Variants in TTLL2 observed in about 807,000 individuals in gnomAD.
TTLL2 encodes the protein probable tubulin polyglutamylase TTLL2.
In TTLL2, 10 loss-of-function variants were observed where a neutral mutation model predicts 7.5. The ratio of observed to expected loss-of-function variants is 1.33; its 90% CI spans 0.82 to 2.25. The LOEUF is 2.25. Ranked by LOEUF, TTLL2 falls within the 30% of genes most tolerant of loss-of-function variation. The pLI, the probability that TTLL2 is intolerant of heterozygous loss-of-function variation, is 0.00. For synonymous variants in TTLL2, 284 were observed against 280.3 expected, an observed-to-expected ratio of 1.01 and a Z score of -0.13; for missense variants, 733 against 735.7, an observed-to-expected ratio of 1.00 and a Z score of 0.04.
intron 1 of TTLL2, among the ~76,000 whole-genome samples, 192 bp from the exon 2 acceptor site, chr6:167,338,455 T>TCACACA (rs3841397): frequency 5.3e-4 from 80 of 150,318 alleles, no homozygotes; most frequent in Admixed American, 4.2e-3. Context: ...CACAACATAG[T>TCACACA]CACACACACA....
intron 1 of TTLL2, among the ~76,000 whole-genome samples, chr6:167,329,555 C>T (rs1462887252): frequency 2.6e-5 from 4 of 152,094 alleles, no homozygotes; most frequent in Admixed American, 6.5e-5. Flanking sequence ...CATAATTTCA[C>T]GTTATATTTT....
chr6:167,325,178 G>C lies in TTLL2; in HGVS notation c.5G>C (p.Arg2Thr), dbSNP rs750841594. 6.3e-7 allele frequency: 1 copy of C among 1,579,280 alleles called. No individual in the cohort carries two copies. ...CACCCTCGGAACCAGCGCCCAATGA[G>C]AGGGCGGGACCTGTGTTCCTCCACA... M[R>T]GRDLCSSTQS... The change falls in exon 1 of 3, where the codon AGA (arginine) becomes ACA (threonine). Residue 2 changes from arginine (R) to threonine (T), a missense_variant. Arg to Thr is a moderately conservative substitution (Grantham distance 71). Transcript: ENST00000239587.
chr6:167,331,583 C>T lies in TTLL2; in HGVS notation c.47+6363C>T, dbSNP rs1472894469. On this transcript the variant is annotated intron_variant, in intron 1 of 2. Transcript: ENST00000239587. The stretch of plus-strand genomic sequence containing the variant: ...GTTCCATCCATGATGGCATGAATGA[C>T]AGGATTTCATTCTGTTTTGTGGCTG... Among the ~76,000 whole-genome samples the T allele has an allele frequency of 5.9e-5, 9 of 152,244 alleles. No individual in the cohort carries two copies. In the East Asian group the frequency reaches 1.7e-3, roughly 29 times the overall value.
chr6:167,337,377 G>C (rs1261003271), intron 1 of TTLL2, among the ~76,000 whole-genome samples: 1 of 152,178 alleles, frequency 6.6e-6, no homozygotes, highest in African/African-American at 2.4e-5. Flanking sequence ...GCTGTGGGGA[G>C]ACGGAACTGA....
At chr6:167,329,495 A>T (rs1778893493) in intron 1 of TTLL2, among the ~76,000 whole-genome samples, 2 of 152,212 alleles carry the variant, frequency 1.3e-5, no homozygotes. Context: ...TTAAATTGAC[A>T]GGTGTCCCAG....
At chr6:167,325,387 G>A (rs545209283) in intron 1 of TTLL2, among the ~76,000 whole-genome samples, 167 bp downstream of exon 1, 42 of 152,310 alleles carry the variant, frequency 2.8e-4, no homozygotes, top group African/African-American at 1.0e-3. Context: ...ACTCCTTCAA[G>A]GGAAAAGCAG....
At chr6:167,326,534 T>G (rs566204871) in intron 1 of TTLL2, among the ~76,000 whole-genome samples, 5 of 152,038 alleles carry the variant, frequency 3.3e-5, no homozygotes, top group Non-Finnish European at 7.4e-5. Flanking sequence ...ACAAATGGCT[T>G]CAATGACCTA....
intron 1 of TTLL2, chr6:167,328,026 GGT>G (rs1375812432): frequency 2.2e-6 from 1 of 456,130 alleles, no homozygotes; most frequent in East Asian, 6.9e-5. Flanking sequence ...TGAAATTCCT[GGT>G]GTTGAATCAC....
Position 167,342,023 on chromosome 6 carries a change from A to G in TTLL2, c.*344A>G, listed in dbSNP as rs1779105062. On this transcript the variant is annotated 3_prime_UTR_variant, in exon 3 of 3. Transcript: ENST00000239587. ...AAAAAGATTATTCTAATATTTTTAA[A>G]GGATTATTAGGTGAAAACAGTACAA... is the stretch of plus-strand genomic sequence containing the variant. The G allele has an allele frequency of 5.3e-6, 1 of 188,614 alleles. No individual in the cohort carries two copies. Among genetic ancestry groups the G allele is most frequent in the South Asian group, 1.5e-4 (1 of 6,874 alleles). 11.7% of individuals were successfully genotyped at this position (188,614 alleles called of 1,614,324 possible).
chr6:167,328,032 G>T (rs923875646), intron 1 of TTLL2: 4 of 456,158 alleles, frequency 8.8e-6, no homozygotes, highest in South Asian at 3.1e-5. Context: ...TCCTGGTGTT[G>T]AATCACATGG....
rs1024503859 is a variant in TTLL2, at chr6:167,341,156, G to A, written c.1256G>A (p.Gly419Asp). Residue 419 changes from glycine to aspartate, a missense_variant, in exon 3 of 3, where the codon GGT becomes GAT. Gly to Asp is a moderately conservative substitution (Grantham distance 94). Coordinates refer to ENST00000239587, the MANE Select transcript of TTLL2 (RefSeq NM_031949.5). ...HDIIDLIYLN[G>D]LRNEGREASN... The stretch of plus-strand genomic sequence containing the variant: ...ATTATTGACCTGATTTACTTAAATG[G>A]TCTAAGAAATGAGGGGAGAGAAGCC... 3 of 1,613,880 alleles carry A rather than the reference G, an allele frequency of 1.9e-6. No individual in the cohort carries two copies. Among genetic ancestry groups the A allele is most frequent in the Non-Finnish European group, 1.7e-6 (2 of 1,180,010 alleles).
Position 167,327,385 on chromosome 6 carries a change from G to A in TTLL2, c.47+2165G>A, listed in dbSNP as rs116121586. 6.8e-3 allele frequency among the ~76,000 whole-genome samples: 1,031 copies of A among 152,298 alleles called. 16 individuals are homozygous for A. Among genetic ancestry groups the A allele is most frequent in the African/African-American group, 0.023 (971 of 41,554 alleles). ...TGGAGCCCACCAGGAATTTCCTTGT[G>A]AGGGAGGTCTGTATGTAGCTTTTGC... On this transcript the variant is annotated intron_variant, in intron 1 of 2. Coordinates refer to ENST00000239587, the MANE Select transcript of TTLL2 (RefSeq NM_031949.5).
In TTLL2 at chr6:167,341,222, A is replaced by C. The variant is rs41266331; in HGVS notation, c.1322A>C (p.Lys441Thr). The change falls in exon 3 of 3, where the codon AAA becomes ACA. Residue 441 changes from lysine to threonine, a missense_variant. Physicochemically the swap from Lys to Thr is moderately conservative, Grantham distance 78. Coordinates refer to ENST00000239587, the MANE Select transcript of TTLL2 (RefSeq NM_031949.5). ...THGNSNIDAA[K>T]SDRGGLDAPD... ...GGAAATTCCAACATCGACGCTGCAA[A>C]AAGTGACAGAGGTGGGCTTGATGCT... 176,168 of 1,613,428 alleles carry C rather than the reference A, an allele frequency of 0.11. 11,121 individuals carry two copies. Among genetic ancestry groups the C allele is most frequent in the African/African-American group, 0.25 (18,869 of 74,690 alleles).
intron 2 of TTLL2, 82 bp downstream of exon 2, chr6:167,338,885 C>T (rs1045136784): frequency 4.0e-6 from 5 of 1,237,078 alleles, no homozygotes; most frequent in Non-Finnish European, 3.2e-6. Context: ...CTTCTTTTTT[C>T]CCCTCCCTCC....
At position 167,337,895 on chromosome 6, in the gene TTLL2, C is replaced by T. The variant is rs577582896; in HGVS notation, c.48-752C>T. On this transcript the variant is annotated intron_variant, in intron 1 of 2. Transcript: ENST00000239587. The stretch of plus-strand genomic sequence containing the variant: ...ATACACACAATATAAGCAGCATACA[C>T]ACAATGCACACAACATACACAGCAC... Among the ~76,000 whole-genome samples the T allele has an allele frequency of 3.0e-3, 453 of 151,758 alleles. 5 individuals carry two copies. The highest frequency in any genetic ancestry group is 0.011 in the African/African-American group (443 of 41,322).
At position 167,341,355 on chromosome 6, in the gene TTLL2, C is replaced by T. The variant is rs759170674; in HGVS notation, c.1455C>T (p.Ala485=). ...GTGTGCGTCCTGAAGCTGCACCTGCCTCCCAGCTGGAAGGAGAGATGAGTG... is the reference window on the plus strand; with the variant it reads ...GTGTGCGTCCTGAAGCTGCACCTGCTTCCCAGCTGGAAGGAGAGATGAGTG... ...AVSVRPEAAP[A]SQLEGEMSGQ... is the part of the protein sequence containing the mutation. Residue 485 remains alanine (A), a synonymous_variant, in exon 3 of 3, where the codon GCC becomes GCT. Transcript: ENST00000239587. 4 of 1,613,830 alleles carry T rather than the reference C, an allele frequency of 2.5e-6. No homozygotes were observed. The South Asian group carries it at 3.3e-5, about 13-fold the overall frequency.
chr6:167,325,740 C>A (rs1235150286), intron 1 of TTLL2, among the ~76,000 whole-genome samples: 1 of 151,944 alleles, frequency 6.6e-6, no homozygotes, highest in Non-Finnish European at 1.5e-5. Context: ...GTGGTATGGA[C>A]CCCACGGGGG....
Position 167,338,773 on chromosome 6 carries a change from A to T in TTLL2, c.174A>T (p.Arg58=). The part of the protein sequence containing the change: ...QEAGVSIPPR[R]GRPTPTLEKK... ...CAGGTGTTTCCATCCCTCCCAGGCG[A>T]GGCCGCCCAACACCAACACTGGAGA... The change falls in exon 2 of 3, where the codon CGA becomes CGT. Residue 58 remains arginine, a synonymous_variant. Transcript: ENST00000239587. The T allele has an allele frequency of 1.2e-6, 2 of 1,613,178 alleles. No individual in the cohort carries two copies. Among genetic ancestry groups the T allele is most frequent in the Non-Finnish European group, 1.7e-6 (2 of 1,179,408 alleles).
chr6:167,327,053 A>AAGG (rs2115206844), intron 1 of TTLL2, among the ~76,000 whole-genome samples: 1 of 152,288 alleles, frequency 6.6e-6, no homozygotes. Context: ...AGGAAAAAAA[A>AAGG]AGGAGGGTCT....
Sources: allele counts gnomAD v4.1 joint callset (sites outside exome capture counted in the v4.1 genomes callset), GRCh38; gene constraint gnomAD v4.1.1; transcripts MANE v1.5; gene names NCBI Gene and HGNC (gene_info 2026-07-23, HGNC 2026-07-21).